PGLYRP4: variants seen among roughly 807,000 people sequenced by gnomAD.
PGLYRP4 encodes the protein peptidoglycan recognition protein 4, also known as PGRP-I-beta.
Under a neutral mutation model 41.2 loss-of-function variants are expected in PGLYRP4, and 39 were observed. The ratio of observed to expected loss-of-function variants is 0.95; its 90% confidence interval spans 0.73 to 1.24. The LOEUF (loss-of-function observed/expected upper bound fraction) is 1.24, where lower values mean the gene tolerates loss of function less well. Among genes scored for constraint, PGLYRP4 ranks in the 50% most tolerant of loss-of-function variants. PGLYRP4 has a pLI of 0.00. For synonymous variants in PGLYRP4, 202 were observed against 186.8 expected (o/e 1.08, Z -0.66); for missense variants, 467 against 460.7 (o/e 1.01, Z -0.13).
At chr1:153,342,885 G>T (rs926850384) in intron 5 of PGLYRP4, among the ~76,000 whole-genome samples, 7 of 152,180 alleles carry the variant, frequency 4.6e-5, no homozygotes, top group African/African-American at 1.7e-4. Flanking sequence ...GGGTTGAGAA[G>T]GAAGCCAGGG....
At chr1:153,340,668 C>A in intron 6 of PGLYRP4, 89 bp from the exon 7 acceptor site, 1 of 1,311,480 alleles carries the variant, frequency 7.6e-7, no homozygotes, top group South Asian at 1.4e-5. Flanking sequence ...TGCTCAGGAC[C>A]CTCAACTTCC....
intron 5 of PGLYRP4, among the ~76,000 whole-genome samples, chr1:153,342,838 A>G (rs981044890): frequency 1.3e-5 from 2 of 152,226 alleles, no homozygotes; most frequent in Admixed American, 6.5e-5. Flanking sequence ...GCATCTCCAC[A>G]TAAAAGATGG....
chr1:153,343,039 G>A (rs775727891), intron 5 of PGLYRP4, 51 bp downstream of exon 5: 2 of 1,167,984 alleles, frequency 1.7e-6, no homozygotes, highest in East Asian at 4.7e-5. Flanking sequence ...TGGCCCCTGA[G>A]ACAAAGGATT....
chr1:153,330,982 A>G, intron 8 of PGLYRP4, 37 bp from the exon 9 acceptor site: 2 of 1,567,306 alleles, frequency 1.3e-6, no homozygotes, highest in Non-Finnish European at 8.7e-7. Context: ...ACAGGATTAC[A>G]GGGCACCCTG....
chr1:153,348,225 A>G (rs897804384), intron 1 of PGLYRP4, among the ~76,000 whole-genome samples: 2 of 152,166 alleles, frequency 1.3e-5, no homozygotes, highest in Non-Finnish European at 2.9e-5. Context: ...ACACTTGCAC[A>G]TGCAGTCTTA....
At chr1:153,342,009 T>C (rs1660824110) in intron 5 of PGLYRP4, among the ~76,000 whole-genome samples, 1 of 152,002 alleles carries the variant, frequency 6.6e-6, no homozygotes, top group Admixed American at 6.6e-5. Flanking sequence ...AAACTTCACC[T>C]CCTCTCTCCA....
chr1:153,344,226 C>T (rs1198914392), intron 4 of PGLYRP4, among the ~76,000 whole-genome samples: 2 of 152,202 alleles, frequency 1.3e-5, no homozygotes, highest in Non-Finnish European at 2.9e-5. Context: ...AACCAGTCCT[C>T]GACTGTCGAG....
intron 8 of PGLYRP4, among the ~76,000 whole-genome samples, chr1:153,332,936 G>T (rs555187792): frequency 7.6e-4 from 103 of 134,846 alleles, no homozygotes; most frequent in South Asian, 1.8e-3. Context: ...AGATAGAAAG[G>T]TCTCAAATTA....
At chr1:153,340,313 C>A in intron 7 of PGLYRP4, 68 bp downstream of exon 7, 1 of 1,403,526 alleles carries the variant, frequency 7.1e-7, no homozygotes, top group Non-Finnish European at 1.0e-6. Context: ...TTCCCTTTCC[C>A]CTTCCTTTCA....
chr1:153,332,238 T>C (rs1229097077), intron 8 of PGLYRP4, among the ~76,000 whole-genome samples: 1 of 152,030 alleles, frequency 6.6e-6, no homozygotes, highest in African/African-American at 2.4e-5. Flanking sequence ...TATGTAATGA[T>C]AAAAGGATCA....
intron 8 of PGLYRP4, among the ~76,000 whole-genome samples, chr1:153,335,181 CAAAA>C (rs34539553): frequency 6.6e-6 from 1 of 152,076 alleles, no homozygotes; most frequent in African/African-American, 2.4e-5. Flanking sequence ...GCAACAAAAA[CAAAA>C]AAGACAAATG....
At position 153,345,334 on chromosome 1, in the gene PGLYRP4, GC is replaced by G; in HGVS notation, c.187del (p.Ala63GlnfsTer10). The G allele has an allele frequency of 2.5e-6, 4 of 1,614,128 alleles. No individual in the cohort carries two copies. The highest frequency in any genetic ancestry group is 2.2e-5 in the South Asian group (2 of 91,076). On this transcript the variant is annotated frameshift_variant, in exon 4 of 9. Coordinates refer to ENST00000359650, the MANE Select transcript of PGLYRP4 (RefSeq NM_020393.4). LOFTEE classifies it high-confidence loss of function. ...CTGAATACTGCAGCCAACAGCTTCT[GC>G]CCCCCATGCCTTGCGAGAGACCGTG... The part of the protein sequence containing the change: ...STTVSRKAWG[A>X]EAVGCSIQLT...
intron 8 of PGLYRP4, among the ~76,000 whole-genome samples, chr1:153,336,078 T>C (rs531693239): frequency 3.3e-5 from 5 of 151,384 alleles, no homozygotes; most frequent in African/African-American, 1.2e-4. Flanking sequence ...GTGTACACCA[T>C]AGAATACTAT....
chr1:153,344,132 C>G (rs1384090814), intron 4 of PGLYRP4, among the ~76,000 whole-genome samples: 1 of 152,178 alleles, frequency 6.6e-6, no homozygotes, highest in Non-Finnish European at 1.5e-5. Context: ...CACCCTGAAA[C>G]CTTAAAAACT....
intron 2 of PGLYRP4, among the ~76,000 whole-genome samples, chr1:153,347,285 T>C (rs3006454): frequency 0.83 from 126,108 of 151,958 alleles, 52,513 homozygotes; most frequent in East Asian, 0.88. Context: ...CTTATCTGCA[T>C]GCCTCGGCTT....
intron 8 of PGLYRP4, among the ~76,000 whole-genome samples, chr1:153,331,275 G>C (rs1178508597): frequency 6.6e-6 from 1 of 152,164 alleles, no homozygotes; most frequent in African/African-American, 2.4e-5. Flanking sequence ...TTTTGGTTGT[G>C]AAAACTGGGA....
At chr1:153,334,956 G>C (rs902644450) in intron 8 of PGLYRP4, among the ~76,000 whole-genome samples, 3 of 152,118 alleles carry the variant, frequency 2.0e-5, no homozygotes, top group African/African-American at 7.2e-5. Flanking sequence ...ACCAGGGAAA[G>C]GACACCCTAT....
In PGLYRP4 at chr1:153,334,468, T is replaced by TATATATATATTTTTTTATATA. The variant is rs1275488427; in HGVS notation, c.943+2712_943+2713insTATATAAAAAAATATATATAT. 7.5e-3 allele frequency among the ~76,000 whole-genome samples: 1,063 copies of TATATATATATTTTTTTATATA among 142,518 alleles called. 14 individuals are homozygous for TATATATATATTTTTTTATATA. Among genetic ancestry groups the TATATATATATTTTTTTATATA allele is most frequent in the African/African-American group, 0.026 (1,006 of 38,862 alleles). 93.5% of individuals were successfully genotyped at this position (142,518 alleles called of 152,430 possible). ...TGTGTATAAATATATATATATTTAT[T>TATATATATATTTTTTTATATA]TATATATATTTATATATATATACAC... On this transcript the variant is annotated intron_variant, in intron 8 of 8. Coordinates refer to ENST00000359650, the MANE Select transcript of PGLYRP4 (RefSeq NM_020393.4).
Position 153,346,145 on chromosome 1 carries a change from C to T in PGLYRP4, c.96G>A (p.Gly32=). The change falls in exon 3 of 9, where the codon GGG becomes GGA. Residue 32 remains glycine, a synonymous_variant. Transcript: ENST00000359650. The stretch of plus-strand genomic sequence containing the variant: ...AGATGTTCTCAAATAGGTACTGGAG[C>T]CCCTCTGATACCTGTTTAGCTTGTG... The part of the protein sequence containing the change: ...NKTQAKQVSE[G]LQYLFENISQ... The T allele has an allele frequency of 6.2e-7, 1 of 1,614,038 alleles. No individual in the cohort carries two copies.
Sources: gnomAD v4.1 joint callset for allele counts (sites outside exome capture counted in the v4.1 genomes callset) on GRCh38, gnomAD v4.1.1 for gene constraint, MANE v1.5 for transcripts, NCBI Gene and HGNC (gene_info 2026-07-23, HGNC 2026-07-21) for gene names.